Variants in LSP1 observed in about 807,000 individuals in gnomAD.
The protein encoded by LSP1 is lymphocyte-specific protein 1.
In LSP1, 32 loss-of-function variants were observed where a neutral mutation model predicts 49.3. That is an observed-to-expected ratio of 0.65 (90% CI 0.49 to 0.87). The LOEUF is 0.87. Among genes scored for constraint, LSP1 ranks in the 40% least tolerant of loss-of-function variants. LSP1 has a pLI of 0.00. For missense variants in LSP1, 428 were observed against 442.6 expected (o/e 0.97, Z 0.30); for synonymous variants, 179 against 178.8 (o/e 1.00, Z -0.01).
chr11:1,884,058 C>A lies in LSP1; in HGVS notation c.591+34C>A. On this transcript the variant is annotated intron_variant, in intron 5 of 10. Transcript: ENST00000311604. This position sits in a 1 kb window ranked among gnomAD's most constrained non-coding sequence, Gnocchi z 4.1. ...AGCTGCAAAGCCTGCCATCTTCTCC[C>A]CTCTCCCGTACTCATACCCAAAAGG... is the stretch of plus-strand genomic sequence containing the variant. 1 of 1,579,814 alleles carries A rather than the reference C, an allele frequency of 6.3e-7. No homozygotes were observed. The highest frequency in any genetic ancestry group is 8.6e-7 in the Non-Finnish European group (1 of 1,159,568).
At chr11:1,859,281 A>T (rs958037204) in intron 1 of LSP1, among the ~76,000 whole-genome samples, 1 of 152,174 alleles carries the variant, frequency 6.6e-6, no homozygotes, top group Non-Finnish European at 1.5e-5. Flanking sequence ...TTCTAAGCCC[A>T]GTACCCTTCC....
intron 1 of LSP1, chr11:1,866,510 C>T (rs750343427): frequency 6.0e-6 from 9 of 1,510,744 alleles, no homozygotes; most frequent in South Asian, 3.8e-5. Context: ...GCAGGGTCTC[C>T]GGCTGTCACC....
At chr11:1,889,279 G>A in intron 10 of LSP1, 1 of 696,826 alleles carries the variant, frequency 1.4e-6, no homozygotes, top group Middle Eastern at 2.3e-4. Flanking sequence ...GGCCGGTACA[G>A]GAAGGGCAGG....
chr11:1,889,744 G>A, intron 10 of LSP1: 1 of 657,294 alleles, frequency 1.5e-6, no homozygotes, highest in Non-Finnish European at 2.8e-6. Flanking sequence ...AGGCTGTGCG[G>A]TGAGGACTCC....
chr11:1,854,942 A>G (rs1221452127), intron 1 of LSP1, among the ~76,000 whole-genome samples: 4 of 151,868 alleles, frequency 2.6e-5, no homozygotes, highest in South Asian at 4.2e-4. Flanking sequence ...AGGAGCGGGG[A>G]GGGGGGGTTG....
intron 10 of LSP1, chr11:1,889,026 C>A: frequency 3.5e-6 from 2 of 574,438 alleles, no homozygotes; most frequent in Non-Finnish European, 6.2e-6. Context: ...TGCCCTGCAC[C>A]CCATGCCCCT....
At chr11:1,870,419 C>T (rs1847949341) in intron 1 of LSP1, 2 of 1,221,104 alleles carry the variant, frequency 1.6e-6, no homozygotes, top group Non-Finnish European at 2.1e-6. Context: ...GTCTTCCCTG[C>T]ACCCCCAGGG....
At chr11:1,864,828 C>T (rs1385275523) in intron 1 of LSP1, among the ~76,000 whole-genome samples, 1 of 151,628 alleles carries the variant, frequency 6.6e-6, no homozygotes, top group East Asian at 2.0e-4. Flanking sequence ...CCCACAGACC[C>T]CTGTGCCAGG....
intron 1 of LSP1, among the ~76,000 whole-genome samples, chr11:1,873,074 G>T (rs533801116): frequency 6.6e-6 from 1 of 152,030 alleles, no homozygotes; most frequent in East Asian, 1.9e-4. Context: ...TGGAGGCAGG[G>T]AGAGATGGAG....
chr11:1,883,358 A>G, intron 3 of LSP1, 61 bp from the exon 4 acceptor site: 1 of 1,583,864 alleles, frequency 6.3e-7, no homozygotes, highest in Middle Eastern at 1.7e-4. Context: ...TGGAAAAAGG[A>G]AGGGGTCAAC....
chr11:1,862,646 A>C, intron 1 of LSP1, among the ~76,000 whole-genome samples: 1 of 151,824 alleles, frequency 6.6e-6, no homozygotes, highest in East Asian at 1.9e-4. Flanking sequence ...TCTCTGTGTG[A>C]TCTTCCCTAC....
rs1237961497 is a variant in LSP1 at position 1,890,334 on chromosome 11, G to A, written c.*14-1439G>A. On this transcript the variant is annotated intron_variant, in intron 10 of 10. Transcript: ENST00000311604. ...GGCTTCGGCGGGGTGCGGGCCCTCAGCAGCGTGCGGGGCTGTGACCTCCTG... is the reference window on the plus strand; with the variant it reads ...GGCTTCGGCGGGGTGCGGGCCCTCAACAGCGTGCGGGGCTGTGACCTCCTG... 3 of 713,932 alleles carry A rather than the reference G, an allele frequency of 4.2e-6. No individual in the cohort carries two copies. In the Admixed American group the frequency reaches 6.0e-5, roughly 14 times the overall value. The allele number at this position is 713,932 out of a possible 1,614,324, so 44.2% of individuals were successfully genotyped here.
intron 1 of LSP1, among the ~76,000 whole-genome samples, chr11:1,859,745 C>A (rs984500283): frequency 1.3e-5 from 2 of 151,558 alleles, no homozygotes; most frequent in African/African-American, 4.9e-5. Context: ...ACCACCCTGC[C>A]CCCTACCCGT....
chr11:1,890,176 T>C, intron 10 of LSP1: 1 of 716,754 alleles, frequency 1.4e-6, no homozygotes, highest in Non-Finnish European at 2.6e-6. Flanking sequence ...CTGCGCTGGG[T>C]GAGGCCGATG....
At chr11:1,854,365 C>G (rs1475342095) in intron 1 of LSP1, among the ~76,000 whole-genome samples, 1 of 152,112 alleles carries the variant, frequency 6.6e-6, no homozygotes, top group African/African-American at 2.4e-5. Flanking sequence ...TTGGTGCTGA[C>G]AGCAGAGGGT....
At position 1,888,981 on chromosome 11, in the gene LSP1, G is replaced by A. The variant is rs914544543; in HGVS notation, c.*13+1405G>A. 5.7e-6 allele frequency: 3 copies of A among 530,522 alleles called. No individual in the cohort carries two copies. In the African/African-American group the frequency reaches 6.0e-5, roughly 11 times the overall value. 32.9% of individuals were successfully genotyped at this position (530,522 alleles called of 1,614,324 possible). ...ACCTGACCACCCTCCTAACCATGCAGACTTCCCTCAGCACCCCATGTGCCC... is the reference window on the plus strand; with the variant it reads ...ACCTGACCACCCTCCTAACCATGCAAACTTCCCTCAGCACCCCATGTGCCC... On this transcript the variant is annotated intron_variant, in intron 10 of 10. Coordinates refer to ENST00000311604, the MANE Select transcript of LSP1 (RefSeq NM_002339.3).
intron 1 of LSP1, among the ~76,000 whole-genome samples, chr11:1,879,344 TCAAA>T (rs965681897): frequency 5.3e-5 from 8 of 152,020 alleles, no homozygotes; most frequent in Admixed American, 2.0e-4. Flanking sequence ...AAACTCCGTC[TCAAA>T]CAAACAAACA....
In LSP1 at chr11:1,880,242, G is replaced by A. The variant is rs755019696; in HGVS notation, c.191+18G>A. The A allele has an allele frequency of 1.1e-5, 17 of 1,563,036 alleles. No homozygotes were observed. The highest frequency in any genetic ancestry group is 2.1e-4 in the Middle Eastern group (1 of 4,864). ...GAGATGCTGTGAGCAGCCCCATAAC[G>A]CGTGCCTGGGCTCTAGCCCCTATCC... is the stretch of plus-strand genomic sequence containing the variant. On this transcript the variant is annotated intron_variant, in intron 2 of 10. Transcript: ENST00000311604.
In LSP1 at chr11:1,884,306, C is replaced by A. The variant is rs770329540; in HGVS notation, c.618C>A (p.Asn206Lys). 3 of 1,614,012 alleles carry A rather than the reference C, an allele frequency of 1.9e-6. No individual in the cohort carries two copies. The highest frequency in any genetic ancestry group is 1.3e-5 in the African/African-American group (1 of 74,888). ...TKLIDRTESLNRSIEKSNSVK... is the reference protein window; with the variant it reads ...TKLIDRTESLKRSIEKSNSVK... ...TCATCGACAGGACCGAGTCCCTAAA[C>A]CGCTCCATAGAGAAGAGGTCTGTCT... The change falls in exon 6 of 11, where the codon AAC becomes AAA. Residue 206 changes from asparagine (N) to lysine (K), a missense_variant. Coordinates refer to ENST00000311604, the MANE Select transcript of LSP1 (RefSeq NM_002339.3). The surrounding 1 kb of genome is among the most constrained non-coding windows in gnomAD (Gnocchi z 4.1).
Sources: gnomAD v4.1 joint callset for allele counts (sites outside exome capture counted in the v4.1 genomes callset) on GRCh38, gnomAD v4.1.1 for gene constraint, Gnocchi (gnomAD v3.1) non-coding constraint, MANE v1.5 for transcripts, NCBI Gene and HGNC (gene_info 2026-07-23, HGNC 2026-07-21) for gene names.